The following CNTN5 variants were observed in gnomAD, a reference collection of about 807,000 sequenced individuals.
CNTN5 encodes contactin 5, also known as contactin-5.
Under a neutral mutation model 129.1 loss-of-function variants are expected in CNTN5, and 77 were observed. That is an observed-to-expected ratio of 0.60 (90% confidence interval 0.50 to 0.72). The LOEUF (loss-of-function observed/expected upper bound fraction) is 0.72. CNTN5 is among the 30% of genes least tolerant of loss of function. CNTN5 has a pLI of 0.00. For synonymous variants in CNTN5, 509 were observed against 465.6 expected (o/e 1.09, Z -1.20); for missense variants, 1,478 against 1,328.8 (o/e 1.11, Z -1.75).
At chr11:99,924,035 C>T (rs573930763) in intron 7 of CNTN5, among the ~76,000 whole-genome samples, 4 of 152,240 alleles carry the variant, frequency 2.6e-5, no homozygotes, top group South Asian at 2.1e-4. Flanking sequence ...CATGGTCCGC[C>T]GGCTTCTGCG....
intron 2 of CNTN5, among the ~76,000 whole-genome samples, chr11:99,511,408 C>T (rs370729910): frequency 3.9e-5 from 6 of 151,904 alleles, no homozygotes; most frequent in African/African-American, 1.5e-4. Flanking sequence ...GTCTGAGAGA[C>T]AGTTTGTTAT....
chr11:99,495,472 CTT>C (rs2135364825), intron 2 of CNTN5, among the ~76,000 whole-genome samples: 1 of 152,302 alleles, frequency 6.6e-6, no homozygotes, highest in East Asian at 1.9e-4. Flanking sequence ...ATTAGCAAGT[CTT>C]TGTTATGGCC....
intron 1 of CNTN5, among the ~76,000 whole-genome samples, chr11:99,127,138 A>C (rs1858677829): frequency 6.6e-6 from 1 of 152,130 alleles, no homozygotes; most frequent in Non-Finnish European, 1.5e-5. Context: ...ATATACTTCA[A>C]ATTCACATGC....
chr11:100,336,977 C>T, intron 21 of CNTN5: 1 of 746,690 alleles, frequency 1.3e-6, no homozygotes, highest in South Asian at 1.4e-5. Context: ...AATCAAGAGC[C>T]AGAGCACAGC....
At chr11:99,329,900 C>T (rs576849569) in intron 2 of CNTN5, among the ~76,000 whole-genome samples, 15 of 136,684 alleles carry the variant, frequency 1.1e-4, no homozygotes, top group African/African-American at 4.0e-4. Context: ...TATATCTGTA[C>T]ATATACAAGC....
chr11:99,736,725 T>G (rs1207512877), intron 3 of CNTN5, among the ~76,000 whole-genome samples: 2 of 152,136 alleles, frequency 1.3e-5, no homozygotes, highest in African/African-American at 4.8e-5. Context: ...TACCAAAAAT[T>G]TTAAATATAC....
At chr11:99,521,151 ACTC>A (rs1475051087) in intron 2 of CNTN5, among the ~76,000 whole-genome samples, 2 of 150,032 alleles carry the variant, frequency 1.3e-5, no homozygotes, top group Non-Finnish European at 1.5e-5. Flanking sequence ...ATCTCCTCCT[ACTC>A]CTCCTCCTCC....
chr11:99,117,461 T>C (rs2135398054), intron 1 of CNTN5, among the ~76,000 whole-genome samples: 1 of 152,292 alleles, frequency 6.6e-6, no homozygotes, highest in Admixed American at 6.5e-5. Flanking sequence ...AATTATATAC[T>C]ACGTATTTTT....
intron 2 of CNTN5, among the ~76,000 whole-genome samples, chr11:99,505,607 G>A (rs1419643653): frequency 6.6e-6 from 1 of 152,186 alleles, no homozygotes; most frequent in African/African-American, 2.4e-5. Flanking sequence ...GGGAAATCTT[G>A]TGGTATTCCT....
At chr11:99,369,326 T>A (rs1351377668) in intron 2 of CNTN5, among the ~76,000 whole-genome samples, 1 of 137,994 alleles carries the variant, frequency 7.2e-6, no homozygotes, top group African/African-American at 2.6e-5. Context: ...CTTTGTAACA[T>A]TTAGTTAAGC....
intron 3 of CNTN5, among the ~76,000 whole-genome samples, chr11:99,715,673 A>T (rs2134989246): frequency 6.6e-6 from 1 of 152,160 alleles, no homozygotes; most frequent in Admixed American, 6.6e-5. Context: ...ATAACATGGT[A>T]TATCATCATC....
At chr11:100,288,590 C>T (rs1390631198) in intron 18 of CNTN5, among the ~76,000 whole-genome samples, 2 of 152,070 alleles carry the variant, frequency 1.3e-5, no homozygotes, top group Non-Finnish European at 2.9e-5. Flanking sequence ...ACCAGAATCT[C>T]TGGGACACAT....
At chr11:100,000,386 T>A (rs1472284182) in intron 8 of CNTN5, among the ~76,000 whole-genome samples, 4 of 152,184 alleles carry the variant, frequency 2.6e-5, no homozygotes, top group Non-Finnish European at 5.9e-5. Context: ...TTATTAAATC[T>A]TAAAGCACCA....
At chr11:99,924,378 C>T (rs1950013224) in intron 7 of CNTN5, among the ~76,000 whole-genome samples, 1 of 151,966 alleles carries the variant, frequency 6.6e-6, no homozygotes, top group Non-Finnish European at 1.5e-5. Flanking sequence ...AGTTTGAGGT[C>T]TTATATTTAA....
intron 2 of CNTN5, among the ~76,000 whole-genome samples, chr11:99,450,484 A>G (rs1944257282): frequency 1.3e-5 from 2 of 152,122 alleles, no homozygotes; most frequent in African/African-American, 2.4e-5. Context: ...GTTACATGTA[A>G]AAGATGATAA....
chr11:99,820,902 T>C (rs1946781042), intron 4 of CNTN5, among the ~76,000 whole-genome samples: 1 of 152,212 alleles, frequency 6.6e-6, no homozygotes, highest in Non-Finnish European at 1.5e-5. Context: ...ATGTCAATTA[T>C]TAGGTTGTGG....
At chr11:100,077,681 A>C (rs1944188634) in intron 13 of CNTN5, among the ~76,000 whole-genome samples, 1 of 151,870 alleles carries the variant, frequency 6.6e-6, no homozygotes, top group South Asian at 2.1e-4. Context: ...AGAAGAAAAA[A>C]CAACTTAAAT....
At chr11:99,131,329 A>G (rs1565342304) in intron 1 of CNTN5, among the ~76,000 whole-genome samples, 1 of 151,502 alleles carries the variant, frequency 6.6e-6, no homozygotes, top group Non-Finnish European at 1.5e-5. Flanking sequence ...AACCACCTTA[A>G]TATCACAACT....
intron 3 of CNTN5, among the ~76,000 whole-genome samples, chr11:99,809,898 T>G (rs1483359947): frequency 2.0e-5 from 3 of 152,158 alleles, no homozygotes; most frequent in Non-Finnish European, 4.4e-5. Flanking sequence ...ACTGAAATCT[T>G]TAATTATCCA....
Sources: allele counts gnomAD v4.1 joint callset (sites outside exome capture counted in the v4.1 genomes callset), GRCh38; gene constraint gnomAD v4.1.1; transcripts MANE v1.5; gene names NCBI Gene and HGNC (gene_info 2026-07-23, HGNC 2026-07-21).